Variants in HEATR5B observed in about 807,000 individuals in gnomAD.
HEATR5B encodes the protein HEAT repeat containing 5B.
Under a neutral mutation model 224.1 loss-of-function variants are expected in HEATR5B, and 156 were observed. The ratio of observed to expected loss-of-function variants is 0.70; its 90% confidence interval spans 0.61 to 0.80. The LOEUF is 0.80. HEATR5B is among the 30% of genes least tolerant of loss of function. The pLI is 0.00. For synonymous variants in HEATR5B, 1,027 were observed against 893.0 expected, an observed-to-expected ratio of 1.15 and a Z score of -2.68; for missense variants, 2,323 against 2,535.5, an observed-to-expected ratio of 0.92 and a Z score of 1.80.
At chr2:37,021,860 C>T (rs1261094251) in intron 24 of HEATR5B, among the ~76,000 whole-genome samples, 1 of 148,218 alleles carries the variant, frequency 6.7e-6, no homozygotes, top group African/African-American at 2.5e-5. Flanking sequence ...GCACTCCAGC[C>T]TGGGTGACAA....
intron 2 of HEATR5B, among the ~76,000 whole-genome samples, chr2:37,082,052 CTTTTTTTTTTTTTTTT>C (rs61036576): frequency 1.2e-3 from 29 of 23,966 alleles, no homozygotes; most frequent in African/African-American, 2.1e-3. Context: ...GAAGTATCTA[CTTTTTTTTTTTTTTTT>C]TTTTTTTTTT....
chr2:36,988,236 T>C (rs547436596), intron 35 of HEATR5B, among the ~76,000 whole-genome samples: 7 of 152,082 alleles, frequency 4.6e-5, no homozygotes, highest in Non-Finnish European at 7.4e-5. Flanking sequence ...CACTACATTA[T>C]GTAACAGAAG....
At chr2:37,043,574 G>A (rs1027369314) in intron 18 of HEATR5B, among the ~76,000 whole-genome samples, 4 of 151,726 alleles carry the variant, frequency 2.6e-5, no homozygotes, top group Non-Finnish European at 5.9e-5. Flanking sequence ...TCCTGATTTG[G>A]CTTCTTATGA....
intron 24 of HEATR5B, among the ~76,000 whole-genome samples, chr2:37,025,856 A>C (rs1339020423): frequency 1.3e-5 from 2 of 152,110 alleles, no homozygotes; most frequent in Non-Finnish European, 2.9e-5. Flanking sequence ...GATTCTTTTT[A>C]TTTACTTATT....
chr2:37,006,919 G>T, intron 29 of HEATR5B, 131 bp downstream of exon 29: 3 of 736,610 alleles, frequency 4.1e-6, no homozygotes, highest in Non-Finnish European at 6.3e-6. Flanking sequence ...TATAAGGTGA[G>T]GTGAAAAATC....
intron 5 of HEATR5B, among the ~76,000 whole-genome samples, chr2:37,074,277 C>T (rs1401560959): frequency 2.7e-5 from 4 of 147,986 alleles, no homozygotes; most frequent in African/African-American, 7.5e-5. Flanking sequence ...GAGTAGAGAT[C>T]GCACCACTGC....
In HEATR5B at chr2:37,020,022, G is replaced by C. The variant is rs1056890117; in HGVS notation, c.4036-145C>G. 6 of 567,054 alleles carry C rather than the reference G, an allele frequency of 1.1e-5. No homozygotes were observed. In the African/African-American group the frequency reaches 1.2e-4, roughly 11 times the overall value. The allele number at this position is 567,054 out of a possible 1,614,324, so 35.1% of individuals were successfully genotyped here. On this transcript the variant is annotated intron_variant, in intron 25 of 35. Coordinates refer to ENST00000233099, the MANE Select transcript of HEATR5B (RefSeq NM_019024.3). ...AGGCTCAAGCGATTCTCCTCCCTCAGCCTCCGAAGTAGCTGGGATTATAGG... is the reference window on the plus strand; with the variant it reads ...AGGCTCAAGCGATTCTCCTCCCTCACCCTCCGAAGTAGCTGGGATTATAGG...
chr2:37,036,863 G>T (rs545686499), intron 21 of HEATR5B, among the ~76,000 whole-genome samples: 1 of 151,910 alleles, frequency 6.6e-6, no homozygotes, highest in South Asian at 2.1e-4. Flanking sequence ...GATTATGATA[G>T]GCCTCCTGCT....
rs1370904695 is a variant in HEATR5B at position 37,072,164 on chromosome 2, A to G, written c.715T>C (p.Ser239Pro). The change falls in exon 6 of 36, where the codon TCT (serine) becomes CCT (proline). Residue 239 changes from serine to proline, a missense_variant. By Grantham distance (74) the Ser-to-Pro change is moderately conservative. This residue lies in a region of HEATR5B where 292 missense variants were observed against 332.6 expected (regional missense o/e 0.88). Transcript: ENST00000233099. ...GCCATGACTGTTCCTAAAAGTTTAG[A>G]CACTGCCACTCGTACCCCATAATTT... Reference protein sequence around the residue: ...NSNYGVRVAVSKLLGTVMATA... With the variant: ...NSNYGVRVAVPKLLGTVMATA... 3 of 1,613,988 alleles carry G rather than the reference A, an allele frequency of 1.9e-6. No homozygotes were observed. The African/African-American group carries it at 4.0e-5, about 22-fold the overall frequency.
intron 18 of HEATR5B, among the ~76,000 whole-genome samples, chr2:37,048,075 A>T (rs1295951963): frequency 1.3e-5 from 2 of 152,242 alleles, no homozygotes; most frequent in South Asian, 2.1e-4. Context: ...GAAGGCAAGC[A>T]CTGATGATAC....
At chr2:37,018,605 G>A (rs748321534) in intron 26 of HEATR5B, among the ~76,000 whole-genome samples, 1 of 152,144 alleles carries the variant, frequency 6.6e-6, no homozygotes, top group Non-Finnish European at 1.5e-5. Context: ...CTACAGAGAG[G>A]ATAAAGTCAG....
intron 35 of HEATR5B, 42 bp from the exon 36 acceptor site, chr2:36,981,836 A>T: frequency 6.9e-7 from 1 of 1,456,502 alleles, no homozygotes; most frequent in South Asian, 1.3e-5. Flanking sequence ...AAACATAAGG[A>T]TTATAATAAA....
intron 26 of HEATR5B, among the ~76,000 whole-genome samples, chr2:37,014,574 C>A (rs1385210259): frequency 6.6e-6 from 1 of 151,534 alleles, no homozygotes; most frequent in African/African-American, 2.4e-5. Flanking sequence ...AAAATGTTAA[C>A]AGAAATAATT....
At chr2:36,997,643 T>C (rs1380640069) in intron 33 of HEATR5B, among the ~76,000 whole-genome samples, 1 of 144,946 alleles carries the variant, frequency 6.9e-6, no homozygotes, top group Non-Finnish European at 1.5e-5. Flanking sequence ...CTCGGCTCAC[T>C]GCAACCTCTG....
chr2:37,028,165 G>A lies in HEATR5B; in HGVS notation c.3611C>T (p.Thr1204Ile). 6.2e-7 allele frequency: 1 copy of A among 1,601,840 alleles called. No individual in the cohort carries two copies. Among genetic ancestry groups the A allele is most frequent in the Non-Finnish European group, 8.6e-7 (1 of 1,169,256 alleles). ...TTTTCCACTACTTAAGAGAGTTGCA[G>A]TACTCATATCTATAACAAGAATAAG... is the stretch of plus-strand genomic sequence containing the variant. ...DVLAASSDMS[T>I]ATLLSSGKDE... The change falls in exon 24 of 36, where the codon ACT becomes ATT. Residue 1204 changes from threonine (T) to isoleucine (I), a missense_variant. Thr to Ile is a moderately conservative substitution (Grantham distance 89). Transcript: ENST00000233099.
rs1667480574 is a variant in HEATR5B at position 37,007,258 on chromosome 2, G to A, written c.4569C>T (p.His1523=). ...GAATTGGGGCCCAGGAATTCCGATA[G>A]TGAAGTCTAGCTGTATCAATAGTTT... ...TPETIDTARL[H]YRNSWAPILH... Residue 1523 remains histidine (H), a synonymous_variant, in exon 29 of 36, where the codon CAC becomes CAT. Transcript: ENST00000233099. 2 of 1,613,332 alleles carry A rather than the reference G, an allele frequency of 1.2e-6. No individual in the cohort carries two copies. Among genetic ancestry groups the A allele is most frequent in the Non-Finnish European group, 1.7e-6 (2 of 1,179,770 alleles).
chr2:37,069,938 C>T (rs1671807620), intron 7 of HEATR5B, among the ~76,000 whole-genome samples: 1 of 145,354 alleles, frequency 6.9e-6, no homozygotes, highest in Non-Finnish European at 1.5e-5. Flanking sequence ...CGCTCTGTCA[C>T]CCAGGTTGGA....
intron 21 of HEATR5B, among the ~76,000 whole-genome samples, chr2:37,033,894 T>C (rs918067571): frequency 6.6e-6 from 1 of 152,188 alleles, no homozygotes; most frequent in African/African-American, 2.4e-5. Flanking sequence ...ATTATAATTA[T>C]TAGTATAAAT....
intron 24 of HEATR5B, among the ~76,000 whole-genome samples, chr2:37,024,583 A>G (rs1668655169): frequency 6.6e-6 from 1 of 152,218 alleles, no homozygotes; most frequent in Admixed American, 6.5e-5. Context: ...GTATTTTACT[A>G]CAACAAAAAA....
Sources: allele counts gnomAD v4.1 joint callset (sites outside exome capture counted in the v4.1 genomes callset), GRCh38; gene constraint gnomAD v4.1.1; regional missense constraint gnomAD v4.1.1; transcripts MANE v1.5; gene names NCBI Gene and HGNC (gene_info 2026-07-23, HGNC 2026-07-21).